Variants in PRKDC observed in about 807,000 individuals in gnomAD.
The protein encoded by PRKDC is DNA-dependent protein kinase catalytic subunit.
A neutral mutation model predicts 486.9 loss-of-function variants in PRKDC; 82 were observed. That is an observed-to-expected ratio of 0.17 (90% CI 0.14 to 0.20). The LOEUF (loss-of-function observed/expected upper bound fraction) is 0.20. Among genes scored for constraint, PRKDC ranks in the 10% least tolerant of loss-of-function variants. PRKDC has a pLI of 1.00. For synonymous variants in PRKDC, 1,895 were observed against 1,837.0 expected (o/e 1.03, Z -0.81); for missense variants, 4,504 against 5,038.2 (o/e 0.89, Z 3.21).
intron 25 of PRKDC, 136 bp downstream of exon 25, chr8:47,912,274 G>A: frequency 2.0e-6 from 2 of 991,208 alleles, no homozygotes; most frequent in East Asian, 6.0e-5. Flanking sequence ...AATTAAACCA[G>A]AGCACCTGGG....
At chr8:47,854,463 C>T (rs1414555874) in intron 50 of PRKDC, among the ~76,000 whole-genome samples, 1 of 152,084 alleles carries the variant, frequency 6.6e-6, no homozygotes, top group Non-Finnish European at 1.5e-5. Context: ...CTCAGCCTCC[C>T]AAGCAGCTGG....
At chr8:47,853,967 C>A in intron 51 of PRKDC, 116 bp downstream of exon 51, 1 of 1,353,188 alleles carries the variant, frequency 7.4e-7, no homozygotes, top group Non-Finnish European at 1.0e-6. Context: ...GTGCCTGGCC[C>A]AGAAACATTT....
At chr8:47,812,860 AAG>A (rs1282116952) in intron 68 of PRKDC, among the ~76,000 whole-genome samples, 1 of 152,062 alleles carries the variant, frequency 6.6e-6, no homozygotes, top group Non-Finnish European at 1.5e-5. Context: ...AGTGTTAAAA[AAG>A]AGAACACAAA....
At chr8:47,883,784 T>C (rs2089272860) in intron 36 of PRKDC, among the ~76,000 whole-genome samples, 1 of 152,254 alleles carries the variant, frequency 6.6e-6, no homozygotes, top group South Asian at 2.1e-4. Context: ...CCAGCTTACA[T>C]TTCCATCTCA....
chr8:47,929,043 A>G, intron 19 of PRKDC, 49 bp downstream of exon 19: 2 of 1,293,454 alleles, frequency 1.5e-6, no homozygotes, highest in Middle Eastern at 2.3e-4. Context: ...ATAGATATTC[A>G]TTTAAAAACA....
In PRKDC at chr8:47,898,544, G is replaced by A; in HGVS notation, c.3390C>T (p.Ala1130=). The change falls in exon 29 of 86, where the codon GCC becomes GCT. Residue 1130 remains alanine (A), a synonymous_variant. Transcript: ENST00000314191. The stretch of plus-strand genomic sequence containing the variant: ...CAATGATGCGGCATAGGTGATCAAT[G>A]GCATCACAACACTGTTGAATTGTAC... The part of the protein sequence containing the change: ...SLGTIQQCCD[A]IDHLCRIIEK... 1.3e-6 allele frequency: 2 copies of A among 1,522,120 alleles called. No homozygotes were observed. Among genetic ancestry groups the A allele is most frequent in the Non-Finnish European group, 1.8e-6 (2 of 1,118,972 alleles). The allele number at this position is 1,522,120 out of a possible 1,614,324, so 94.3% of individuals were successfully genotyped here.
intron 19 of PRKDC, 72 bp from the exon 20 acceptor site, chr8:47,927,962 G>T: frequency 7.8e-7 from 1 of 1,285,942 alleles, no homozygotes; most frequent in Non-Finnish European, 1.0e-6. Context: ...AAAAGTATTT[G>T]CCCTATTCTC....
At chr8:47,872,722 A>C (rs1435519741) in intron 40 of PRKDC, among the ~76,000 whole-genome samples, 3 of 152,224 alleles carry the variant, frequency 2.0e-5, no homozygotes, top group Non-Finnish European at 4.4e-5. Context: ...TAAGGGGTCA[A>C]TTCAGCAAGA....
intron 22 of PRKDC, among the ~76,000 whole-genome samples, chr8:47,917,161 G>A (rs1180800306): frequency 2.6e-5 from 4 of 152,024 alleles, no homozygotes; most frequent in African/African-American, 4.8e-5. Flanking sequence ...TGGCTGAGGC[G>A]GGAGGATCAC....
At chr8:47,779,314 C>T (rs1465163300) in intron 80 of PRKDC, 8 of 416,526 alleles carry the variant, frequency 1.9e-5, no homozygotes, top group Non-Finnish European at 3.4e-5. Context: ...GAAATCCAAG[C>T]TATTGCCTAT....
chr8:47,862,403 T>C lies in PRKDC; in HGVS notation c.5889A>G (p.Gln1963=). 6.2e-7 allele frequency: 1 copy of C among 1,613,974 alleles called. No individual in the cohort carries two copies. Among genetic ancestry groups the C allele is most frequent in the South Asian group, 1.1e-5 (1 of 91,084 alleles). ...CCVFNELKFY[Q]GFLFSEKPEK... ...CTGGTTTTTCACTAAACAGAAAACC[T>C]TGGTAAAATTTTAACTCATTGAAGA... The change falls in exon 43 of 86, where the codon CAA becomes CAG. Residue 1963 remains glutamine, a synonymous_variant. Transcript: ENST00000314191.
intron 61 of PRKDC, among the ~76,000 whole-genome samples, chr8:47,829,630 T>C (rs1258729917): frequency 6.6e-6 from 1 of 152,158 alleles, no homozygotes; most frequent in East Asian, 1.9e-4. Context: ...CTATATAAAA[T>C]TTTAGAAAAT....
chr8:47,935,243 T>C (rs1563811700), intron 13 of PRKDC, among the ~76,000 whole-genome samples, 185 bp from the exon 14 acceptor site: 1 of 152,212 alleles, frequency 6.6e-6, no homozygotes, highest in Non-Finnish European at 1.5e-5. Flanking sequence ...GGCTCATGCC[T>C]GTAATCCCAG....
At chr8:47,857,008 A>T in intron 49 of PRKDC, 148 bp downstream of exon 49, 1 of 809,652 alleles carries the variant, frequency 1.2e-6, no homozygotes, top group Non-Finnish European at 1.7e-6. Context: ...GGCTGAGGCC[A>T]TTTGGTTTAG....
Position 47,820,936 on chromosome 8 carries a change from T to C in PRKDC, c.9119A>G (p.Tyr3040Cys). The change falls in exon 66 of 86, where the codon TAT (tyrosine) becomes TGT (cysteine). Residue 3040 changes from tyrosine (Y) to cysteine (C), a missense_variant. Coordinates refer to ENST00000314191, the MANE Select transcript of PRKDC (RefSeq NM_006904.7). ...CTTGCTGCGGATCATGTAAGGTAGA[T>C]ATGTTTCCTAAGGAACATAAAAATA... ...IWSEPFYQET[Y>C]LPYMIRSKLK... The C allele has an allele frequency of 6.3e-7, 1 of 1,585,398 alleles. No homozygotes were observed. The highest frequency in any genetic ancestry group is 8.6e-7 in the Non-Finnish European group (1 of 1,163,402).
intron 31 of PRKDC, among the ~76,000 whole-genome samples, chr8:47,891,963 G>C (rs1488263063): frequency 1.3e-5 from 2 of 151,946 alleles, no homozygotes; most frequent in East Asian, 2.0e-4. Context: ...CCGCCTCCGG[G>C]GTTCAAACAA....
At chr8:47,844,307 T>C (rs758419621) in intron 54 of PRKDC, among the ~76,000 whole-genome samples, 14 of 152,196 alleles carry the variant, frequency 9.2e-5, no homozygotes. Flanking sequence ...AAAAGGACAT[T>C]ACATAATGCC....
chr8:47,935,231 G>A (rs1221412089), intron 13 of PRKDC, among the ~76,000 whole-genome samples, 173 bp from the exon 14 acceptor site: 2 of 152,190 alleles, frequency 1.3e-5, no homozygotes, highest in Admixed American at 6.5e-5. Context: ...GCCAGGCGCG[G>A]TGGCTCATGC....
intron 10 of PRKDC, among the ~76,000 whole-genome samples, chr8:47,942,201 A>G (rs2090456247): frequency 6.6e-6 from 1 of 152,244 alleles, no homozygotes; most frequent in Non-Finnish European, 1.5e-5. Flanking sequence ...TCAGTAAAAA[A>G]TAATTCCTCT....
Sources: allele counts gnomAD v4.1 joint callset (sites outside exome capture counted in the v4.1 genomes callset), GRCh38; gene constraint gnomAD v4.1.1; transcripts MANE v1.5; gene names NCBI Gene and HGNC (gene_info 2026-07-23, HGNC 2026-07-21).